Variants in AOPEP observed in about 807,000 individuals in gnomAD.
The protein encoded by AOPEP is aminopeptidase O.
In AOPEP, 77 loss-of-function variants were observed where a neutral mutation model predicts 98.1. The observed-to-expected ratio is 0.78, with a 90% CI of 0.65 to 0.95. The LOEUF (loss-of-function observed/expected upper bound fraction) is 0.95. AOPEP is among the 40% of genes least tolerant of loss of function. The probability of loss-of-function intolerance (pLI) is 0.00; values close to 1 mark genes in which losing one functional copy is unlikely to be tolerated. For synonymous variants in AOPEP, 346 were observed against 365.3 expected (o/e 0.95, Z 0.60); for missense variants, 1,024 against 1,024.7 (o/e 1.00, Z 0.01).
At chr9:94,809,379 A>T (rs1051923203) in intron 5 of AOPEP, among the ~76,000 whole-genome samples, 1 of 152,234 alleles carries the variant, frequency 6.6e-6, no homozygotes, top group Non-Finnish European at 1.5e-5. Context: ...TGTTGTGTCG[A>T]GGGAGCCCTT....
the AOPEP span, among the ~76,000 whole-genome samples, chr9:95,146,402 C>T: frequency 7.2e-6 from 1 of 138,542 alleles, no homozygotes; most frequent in South Asian, 2.3e-4. Flanking sequence ...GTGGGAGGAT[C>T]GCCTGAGCCT....
At chr9:95,093,573 C>T in the AOPEP span, among the ~76,000 whole-genome samples, 1 of 152,116 alleles carries the variant, frequency 6.6e-6, no homozygotes, top group Admixed American at 6.5e-5. Flanking sequence ...CACATGCAAA[C>T]AAATATAGGT....
intron 5 of AOPEP, among the ~76,000 whole-genome samples, chr9:94,836,700 T>G (rs2134642867): frequency 6.6e-6 from 1 of 152,308 alleles, no homozygotes; most frequent in South Asian, 2.1e-4. Flanking sequence ...AATTTCAGTT[T>G]TGATGAAGTA....
chr9:94,914,953 A>G (rs943473228), intron 5 of AOPEP, among the ~76,000 whole-genome samples: 5 of 152,234 alleles, frequency 3.3e-5, no homozygotes, highest in African/African-American at 7.2e-5. Flanking sequence ...TTCGTTGTTT[A>G]TCTGAAATTC....
At chr9:94,739,354 T>C (rs1477886265) in intron 1 of AOPEP, among the ~76,000 whole-genome samples, 1 of 152,128 alleles carries the variant, frequency 6.6e-6, no homozygotes, top group Non-Finnish European at 1.5e-5. Flanking sequence ...TTTAAAGATT[T>C]GGAGTGTTGG....
At position 95,060,774 on chromosome 9, in the gene AOPEP, C is replaced by G. The variant is rs749808593; in HGVS notation, c.2196C>G (p.Leu732=). 2 of 1,613,758 alleles carry G rather than the reference C, an allele frequency of 1.2e-6. No individual in the cohort carries two copies. The highest frequency in any genetic ancestry group is 8.5e-7 in the Non-Finnish European group (1 of 1,179,628). ...KTLSPRTLQS[L]QRTYHLQDQD... ...TGAGCCCCCGAACTCTGCAAAGCCT[C>G]CAGAGGACATACCACCTCCAGGATC... Residue 732 remains leucine (L), a synonymous_variant, in exon 14 of 17, where the codon CTC becomes CTG. Coordinates refer to ENST00000375315, the MANE Select transcript of AOPEP (RefSeq NM_001193329.3).
intron 1 of AOPEP, among the ~76,000 whole-genome samples, chr9:94,740,055 G>T (rs926929982): frequency 6.6e-6 from 1 of 152,122 alleles, no homozygotes; most frequent in Non-Finnish European, 1.5e-5. Context: ...GGTGCATCAC[G>T]CCCTCATATG....
Position 95,005,567 on chromosome 9 carries a change from G to C in AOPEP, c.2066G>C (p.Arg689Pro), listed in dbSNP as rs1332086942. Residue 689 changes from arginine (R) to proline (P), a missense_variant, in exon 13 of 17, where the codon CGG becomes CCG. By Grantham distance (103) the Arg-to-Pro change is moderately radical. Coordinates refer to ENST00000375315, the MANE Select transcript of AOPEP (RefSeq NM_001193329.3). The part of the protein sequence containing the change: ...AEVTKWIGVN[R>P]RPRKRKRREK... ...GTCACGAAATGGATTGGAGTGAACC[G>C]GAGACCCCGAAAACGGAAGCGCAGG... 3 of 1,613,932 alleles carry C rather than the reference G, an allele frequency of 1.9e-6. No individual in the cohort carries two copies. The highest frequency in any genetic ancestry group is 2.7e-5 in the African/African-American group (2 of 74,920).
At chr9:94,825,575 A>G (rs905406957) in intron 5 of AOPEP, among the ~76,000 whole-genome samples, 5 of 152,238 alleles carry the variant, frequency 3.3e-5, no homozygotes, top group African/African-American at 1.2e-4. Flanking sequence ...AGGCGCTGTC[A>G]CTTTGAAGCT....
chr9:94,919,039 C>T (rs1341886131), intron 5 of AOPEP, among the ~76,000 whole-genome samples: 1 of 152,032 alleles, frequency 6.6e-6, no homozygotes, highest in Non-Finnish European at 1.5e-5. Flanking sequence ...CTTCAGCCTC[C>T]TAGTAGCTGG....
At chr9:95,055,729 G>T (rs1223664683) in intron 13 of AOPEP, among the ~76,000 whole-genome samples, 1 of 152,102 alleles carries the variant, frequency 6.6e-6, no homozygotes, top group Non-Finnish European at 1.5e-5. Flanking sequence ...TATGTCAGTG[G>T]GATCACCTTT....
chr9:95,043,661 G>C (rs1306835831), intron 13 of AOPEP, among the ~76,000 whole-genome samples: 1 of 148,494 alleles, frequency 6.7e-6, no homozygotes, highest in East Asian at 2.0e-4. Flanking sequence ...TTTTAGGTTT[G>C]TTTTGTTTTG....
At position 94,930,006 on chromosome 9, in the gene AOPEP, T is replaced by C. The variant is rs565482136; in HGVS notation, c.1661+1475T>C. Among the ~76,000 whole-genome samples, 1 of 152,170 alleles carries C rather than the reference T, an allele frequency of 6.6e-6. No individual in the cohort carries two copies. The highest frequency in any genetic ancestry group is 2.4e-5 in the African/African-American group (1 of 41,426). On this transcript the variant is annotated intron_variant, in intron 7 of 16. Transcript: ENST00000375315. The surrounding 1 kb of genome is among the most constrained non-coding windows in gnomAD (Gnocchi z 4.5). ...AGGCAGGAGCCAGGTCACACGAGTCTTTCCCCAAGTTCTTCAGAAGCTGCT... is the reference window on the plus strand; with the variant it reads ...AGGCAGGAGCCAGGTCACACGAGTCCTTCCCCAAGTTCTTCAGAAGCTGCT...
the AOPEP span, chr9:95,117,246 G>A: frequency 1.5e-6 from 2 of 1,349,128 alleles, no homozygotes; most frequent in Admixed American, 1.7e-5. Flanking sequence ...GCCTGATGAG[G>A]AGGTCATAAT....
intron 5 of AOPEP, among the ~76,000 whole-genome samples, chr9:94,827,433 C>T (rs1854885039): frequency 6.6e-6 from 1 of 152,154 alleles, no homozygotes; most frequent in South Asian, 2.1e-4. Flanking sequence ...TTTCTTAGAA[C>T]ATTCTAAAAT....
At chr9:94,736,535 C>T (rs1831819303) in intron 1 of AOPEP, among the ~76,000 whole-genome samples, 1 of 152,088 alleles carries the variant, frequency 6.6e-6, no homozygotes, top group Admixed American at 6.5e-5. Flanking sequence ...ATCCTCTTTC[C>T]AGCACATAAA....
intron 3 of AOPEP, among the ~76,000 whole-genome samples, chr9:94,777,207 C>T (rs952989245): frequency 3.3e-5 from 5 of 151,764 alleles, no homozygotes; most frequent in South Asian, 2.1e-4. Context: ...GGCCGAGGGA[C>T]GGATCATGAG....
At chr9:94,929,659 C>G (rs932514335) in intron 7 of AOPEP, among the ~76,000 whole-genome samples, 3 of 152,240 alleles carry the variant, frequency 2.0e-5, no homozygotes, top group African/African-American at 7.2e-5. Context: ...TTTCTCTTGG[C>G]CAATGCTGAT....
intron 13 of AOPEP, among the ~76,000 whole-genome samples, chr9:95,012,993 G>C (rs146931570): frequency 1.5e-5 from 2 of 135,452 alleles, no homozygotes; most frequent in African/African-American, 2.8e-5. Context: ...TTTTTGGGGG[G>C]GGGGGCAGGG....
Sources: allele counts gnomAD v4.1 joint callset (sites outside exome capture counted in the v4.1 genomes callset), GRCh38; gene constraint gnomAD v4.1.1; non-coding constraint Gnocchi (gnomAD v3.1); transcripts MANE v1.5; gene names NCBI Gene and HGNC (gene_info 2026-07-23, HGNC 2026-07-21).